The following STXBP5L variants were observed in gnomAD, a reference collection of about 807,000 sequenced individuals.
STXBP5L encodes syntaxin binding protein 5L.
Under a neutral mutation model 144.5 loss-of-function variants are expected in STXBP5L, and 65 were observed. That is an observed-to-expected ratio of 0.45 (90% confidence interval 0.37 to 0.55). STXBP5L has a LOEUF of 0.55. Among genes scored for constraint, STXBP5L ranks in the 20% least tolerant of loss-of-function variants. The pLI is 0.00. For missense variants in STXBP5L, 1,298 were observed against 1,405.5 expected (o/e 0.92, Z 1.22); for synonymous variants, 505 against 469.6 (o/e 1.08, Z -0.97).
intron 3 of STXBP5L, among the ~76,000 whole-genome samples, chr3:121,027,604 T>A (rs1225236897): frequency 6.6e-6 from 1 of 152,110 alleles, no homozygotes; most frequent in East Asian, 1.9e-4. Flanking sequence ...GTCTATTTCA[T>A]GTTGCATTAC....
In STXBP5L at chr3:121,165,658, G is replaced by C. The variant is rs756712923; in HGVS notation, c.877+8031G>C. ...TTTATTGGGTGAAAAGGAAAAAAAG[G>C]GAAACAAGGACTCTCAGCAAAGCGA... is the stretch of plus-strand genomic sequence containing the variant. On this transcript the variant is annotated intron_variant, in intron 9 of 26. Transcript: ENST00000471454. Among the ~76,000 whole-genome samples the C allele has an allele frequency of 1.5e-4, 23 of 152,166 alleles. No individual in the cohort carries two copies. The South Asian group carries it at 1.7e-3, about 11-fold the overall frequency.
At chr3:120,976,157 G>A (rs890024588) in intron 3 of STXBP5L, among the ~76,000 whole-genome samples, 5 of 152,176 alleles carry the variant, frequency 3.3e-5, no homozygotes, top group African/African-American at 7.2e-5. Context: ...GAATTCGGCT[G>A]TGAATCCATC....
At chr3:120,930,164 CT>C (rs140390258) in intron 2 of STXBP5L, among the ~76,000 whole-genome samples, 25,594 of 135,836 alleles carry the variant, frequency 0.19, 2,111 homozygotes, top group Middle Eastern at 0.24. Context: ...TTTCTATTTT[CT>C]TTTTTTTTTT....
intron 2 of STXBP5L, among the ~76,000 whole-genome samples, chr3:120,915,589 T>G (rs1216321413): frequency 6.6e-6 from 1 of 152,150 alleles, no homozygotes; most frequent in East Asian, 1.9e-4. Context: ...GTTATTTTCT[T>G]TTTTAGTCTT....
intron 1 of STXBP5L, 38 bp downstream of exon 1, chr3:120,908,372 A>T (rs1708639369): frequency 6.4e-6 from 1 of 155,488 alleles, no homozygotes; most frequent in African/African-American, 2.4e-5. Flanking sequence ...TCCCTCTGGG[A>T]CGCCGCCGCC....
chr3:121,017,457 A>G (rs1399756374), intron 3 of STXBP5L, among the ~76,000 whole-genome samples: 1 of 152,240 alleles, frequency 6.6e-6, no homozygotes, highest in African/African-American at 2.4e-5. Context: ...AAGATCAGAA[A>G]AGCAAACAAA....
chr3:121,067,982 C>G (rs922875370), intron 5 of STXBP5L, among the ~76,000 whole-genome samples: 7 of 152,172 alleles, frequency 4.6e-5, no homozygotes, highest in African/African-American at 1.7e-4. Context: ...TTTAAGCATA[C>G]AATTTTAAAA....
rs545142685 is a variant in STXBP5L at position 121,310,909 on chromosome 3, A to C, written c.2111-7566A>C. On this transcript the variant is annotated intron_variant, in intron 19 of 26. Transcript: ENST00000471454. ...GGGCAACAGAGCAAGACTCTGTCTC[A>C]AAAAAAAAAAGACACCATTAAGCAA... 3.4e-5 allele frequency among the ~76,000 whole-genome samples: 5 copies of C among 147,238 alleles called. No homozygotes were observed. The East Asian group carries it at 9.9e-4, about 29-fold the overall frequency.
chr3:121,356,462 T>G (rs2045517943), intron 20 of STXBP5L, among the ~76,000 whole-genome samples: 1 of 152,224 alleles, frequency 6.6e-6, no homozygotes, highest in Admixed American at 6.5e-5. Context: ...GTGCTAGCAG[T>G]GAGCAAGGCT....
At chr3:121,170,648 G>C (rs144180280) in intron 9 of STXBP5L, among the ~76,000 whole-genome samples, 1 of 152,286 alleles carries the variant, frequency 6.6e-6, no homozygotes, top group East Asian at 1.9e-4. Context: ...CCAGGGAGAA[G>C]TCCAATCCCT....
intron 3 of STXBP5L, among the ~76,000 whole-genome samples, chr3:121,006,521 C>G (rs1254095163): frequency 6.6e-6 from 1 of 152,094 alleles, no homozygotes; most frequent in African/African-American, 2.4e-5. Context: ...CAGTCCGTGT[C>G]TTTTAATTGG....
chr3:121,406,585 T>C (rs530960565), intron 22 of STXBP5L, among the ~76,000 whole-genome samples: 104 of 152,164 alleles, frequency 6.8e-4, no homozygotes, highest in South Asian at 1.5e-3. Flanking sequence ...ATTGTCAACC[T>C]TGGAGAATCC....
At chr3:121,212,660 T>A (rs2048623092) in intron 10 of STXBP5L, among the ~76,000 whole-genome samples, 1 of 152,176 alleles carries the variant, frequency 6.6e-6, no homozygotes, top group Non-Finnish European at 1.5e-5. Flanking sequence ...TGCCTCCAGC[T>A]TTGTTCTTTT....
rs1378745220 is a variant in STXBP5L, at chr3:121,357,900, A to G, written c.2177-20816A>G. 3.3e-5 allele frequency: 5 copies of G among 152,230 alleles called. No individual in the cohort carries two copies. The East Asian group carries it at 7.7e-4, about 23-fold the overall frequency. 9.4% of individuals were successfully genotyped at this position (152,230 alleles called of 1,614,324 possible). ...TACAGAGAAGCTGCTTCATAACATC[A>G]TCACTCAAATACCTATTTATGAAGT... On this transcript the variant is annotated intron_variant, in intron 20 of 26. Coordinates refer to ENST00000471454, the MANE Select transcript of STXBP5L (RefSeq NM_001308330.2).
At chr3:120,968,116 A>G (rs1396817900) in intron 3 of STXBP5L, among the ~76,000 whole-genome samples, 1 of 152,130 alleles carries the variant, frequency 6.6e-6, no homozygotes, top group African/African-American at 2.4e-5. Flanking sequence ...TGTTTGGTCC[A>G]TTTGGTCAAG....
At chr3:120,983,801 G>A (rs900959104) in intron 3 of STXBP5L, among the ~76,000 whole-genome samples, 2 of 152,118 alleles carry the variant, frequency 1.3e-5, no homozygotes, top group Non-Finnish European at 2.9e-5. Flanking sequence ...TTTGCTTTCT[G>A]TGATTCTTGT....
chr3:121,350,302 C>T (rs536922632), intron 20 of STXBP5L, among the ~76,000 whole-genome samples: 1 of 152,268 alleles, frequency 6.6e-6, no homozygotes, highest in African/African-American at 2.4e-5. Flanking sequence ...TCTCTTCTGG[C>T]TTGTAGAGTT....
chr3:121,355,332 C>CG (rs1403864002), intron 20 of STXBP5L, among the ~76,000 whole-genome samples: 2 of 152,126 alleles, frequency 1.3e-5, no homozygotes, highest in African/African-American at 4.8e-5. Flanking sequence ...ACCAATCAAA[C>CG]TAGATTTAGT....
intron 7 of STXBP5L, among the ~76,000 whole-genome samples, chr3:121,145,833 G>A (rs2045694348): frequency 6.6e-6 from 1 of 151,994 alleles, no homozygotes; most frequent in Non-Finnish European, 1.5e-5. Context: ...GTATGTCTGT[G>A]AAAGTGTTTC....
Sources: allele counts gnomAD v4.1 joint callset (sites outside exome capture counted in the v4.1 genomes callset), GRCh38; gene constraint gnomAD v4.1.1; transcripts MANE v1.5; gene names NCBI Gene and HGNC (gene_info 2026-07-23, HGNC 2026-07-21).